The following TARP variants were observed in gnomAD, a reference collection of about 807,000 sequenced individuals.
the TARP span, among the ~76,000 whole-genome samples, chr7:38,268,389 A>G: frequency 0.11 from 16,495 of 151,460 alleles, 1,021 homozygotes; most frequent in South Asian, 0.18. Flanking sequence ...CTACATATGG[A>G]TATTTATTTA....
At chr7:38,265,620 A>G in the TARP span, 1 of 1,611,100 alleles carries the variant, frequency 6.2e-7, no homozygotes, top group Admixed American at 1.7e-5. Flanking sequence ...GCTTTGTTTC[A>G]GCAATTGAAG....
the TARP span, among the ~76,000 whole-genome samples, chr7:38,273,249 T>C: frequency 6.8e-6 from 1 of 148,064 alleles, no homozygotes; most frequent in South Asian, 2.1e-4. Context: ...GATTTTACTT[T>C]TTTTTTTTTT....
chr7:38,263,133 T>C, the TARP span, among the ~76,000 whole-genome samples: 1 of 151,790 alleles, frequency 6.6e-6, no homozygotes, highest in Admixed American at 6.6e-5. Context: ...TTTCTGGACA[T>C]AACAACAACA....
the TARP span, among the ~76,000 whole-genome samples, chr7:38,262,674 G>T: frequency 3.3e-5 from 5 of 151,232 alleles, no homozygotes; most frequent in Admixed American, 6.6e-5. Context: ...TTTGAGGCAG[G>T]GTCTCACTGT....
the TARP span, among the ~76,000 whole-genome samples, chr7:38,270,098 C>T: frequency 2.6e-5 from 4 of 151,804 alleles, no homozygotes; most frequent in African/African-American, 7.3e-5. Flanking sequence ...GAAGACCCTG[C>T]CTCAAAAATA....
At chr7:38,261,796 C>T in the TARP span, among the ~76,000 whole-genome samples, 12 of 144,302 alleles carry the variant, frequency 8.3e-5, no homozygotes, top group African/African-American at 2.3e-4. Flanking sequence ...CACTTGAAGC[C>T]GGGAGGCGGA....
chr7:38,269,515 T>A, the TARP span: 1 of 710,802 alleles, frequency 1.4e-6, no homozygotes, highest in South Asian at 1.5e-5. Context: ...GTTGTTCCAC[T>A]GCCAAAGAGT....
At chr7:38,265,802 C>A in the TARP span, 1 of 742,746 alleles carries the variant, frequency 1.3e-6, no homozygotes, top group East Asian at 2.5e-5. Flanking sequence ...GTGTCCACTG[C>A]GGCCTTTCAT....
At chr7:38,265,126 T>C in the TARP span, among the ~76,000 whole-genome samples, 1 of 151,358 alleles carries the variant, frequency 6.6e-6, no homozygotes, top group African/African-American at 2.4e-5. Flanking sequence ...TTTTGGATAA[T>C]GGAGCTGAGG....
At chr7:38,265,266 G>A in the TARP span, 58 of 1,028,906 alleles carry the variant, frequency 5.6e-5, no homozygotes, top group Non-Finnish European at 8.0e-5. Context: ...ATTTATGTTT[G>A]TTTTTCATTA....
chr7:38,270,303 G>T, the TARP span, among the ~76,000 whole-genome samples: 2 of 151,730 alleles, frequency 1.3e-5, no homozygotes, highest in Non-Finnish European at 2.9e-5. Flanking sequence ...TAATTTCTCA[G>T]TTCCTCTGTT....
At chr7:38,271,885 T>G in the TARP span, among the ~76,000 whole-genome samples, 1 of 151,368 alleles carries the variant, frequency 6.6e-6, no homozygotes, top group Admixed American at 6.6e-5. Flanking sequence ...TGATATAATT[T>G]TTAACTTTGA....
At chr7:38,268,077 G>C in the TARP span, among the ~76,000 whole-genome samples, 9 of 151,382 alleles carry the variant, frequency 5.9e-5, no homozygotes, top group South Asian at 2.1e-4. Context: ...GGCCGATATT[G>C]TGGATCATCC....
At chr7:38,266,541 A>T in the TARP span, among the ~76,000 whole-genome samples, 7 of 151,870 alleles carry the variant, frequency 4.6e-5, no homozygotes, top group East Asian at 1.2e-3. Context: ...CGCTCAAGTG[A>T]TCTGCCTGCC....
At chr7:38,261,075 T>C in the TARP span, among the ~76,000 whole-genome samples, 1 of 151,834 alleles carries the variant, frequency 6.6e-6, no homozygotes. Context: ...GTAATTATTC[T>C]TTGTTGGCTG....
chr7:38,265,225 C>G, the TARP span: 3 of 760,906 alleles, frequency 3.9e-6, no homozygotes, highest in Non-Finnish European at 6.2e-6. Flanking sequence ...GGCATTTATG[C>G]TACCATTAAA....
chr7:38,260,927 C>A, the TARP span, among the ~76,000 whole-genome samples: 1 of 151,770 alleles, frequency 6.6e-6, no homozygotes, highest in Non-Finnish European at 1.5e-5. Context: ...AGAGCCCATG[C>A]TTCTAGTCGC....
the TARP span, among the ~76,000 whole-genome samples, chr7:38,264,632 G>A: frequency 4.0e-5 from 6 of 150,716 alleles, no homozygotes; most frequent in Admixed American, 3.3e-4. Flanking sequence ...TTAGTGTAAA[G>A]GAAAACACAT....
At chr7:38,271,641 C>T in the TARP span, among the ~76,000 whole-genome samples, 1 of 151,014 alleles carries the variant, frequency 6.6e-6, no homozygotes, top group South Asian at 2.1e-4. Context: ...TGTAGAATAA[C>T]AGAATAAATT....
Sources: gnomAD v4.1 joint callset for allele counts (sites outside exome capture counted in the v4.1 genomes callset) on GRCh38, gnomAD v4.1.1 for gene constraint, MANE v1.5 for transcripts.